The following GABRA3 variants were observed in gnomAD, a reference collection of about 807,000 sequenced individuals.
GABRA3 encodes gamma-aminobutyric acid receptor subunit alpha-3.
In GABRA3, 10 loss-of-function variants were observed where a neutral mutation model predicts 30.1. The ratio of observed to expected loss-of-function variants is 0.33; its 90% CI spans 0.20 to 0.56. The LOEUF (loss-of-function observed/expected upper bound fraction) is 0.56, where lower values mean the gene tolerates loss of function less well. GABRA3 is among the 20% of genes least tolerant of loss of function. GABRA3 has a pLI of 0.89. For missense variants in GABRA3, 233 were observed against 392.0 expected (o/e 0.59, Z 3.42); for synonymous variants, 151 against 146.8 (o/e 1.03, Z -0.21).
intron 1 of GABRA3, among the ~76,000 whole-genome samples, chrX:152,407,559 A>G (rs751864450): frequency 8.9e-6 from 1 of 112,186 alleles, no homozygotes; most frequent in South Asian, 3.7e-4. Flanking sequence ...GATCAATAAA[A>G]AGTAATGAGA....
At chrX:152,264,932 T>A (rs1272904079) in intron 4 of GABRA3, among the ~76,000 whole-genome samples, 6 of 111,495 alleles carry the variant, frequency 5.4e-5, no homozygotes, top group Admixed American at 9.5e-5. Context: ...AGGGTTCAAT[T>A]CAGCAATAGG....
intron 6 of GABRA3, among the ~76,000 whole-genome samples, chrX:152,219,719 G>A (rs1937795218): frequency 9.0e-6 from 1 of 111,002 alleles, no homozygotes; most frequent in African/African-American, 3.3e-5. Flanking sequence ...CTATGCTGCT[G>A]ATGGTAATTC....
At chrX:152,173,013 C>T (rs1199176627) in intron 9 of GABRA3, among the ~76,000 whole-genome samples, 1 of 110,229 alleles carries the variant, frequency 9.1e-6, no homozygotes, top group East Asian at 2.8e-4. Flanking sequence ...AATCAGAGAC[C>T]CTGCCCTCAG....
chrX:152,310,167 T>C (rs1182784738), intron 3 of GABRA3, among the ~76,000 whole-genome samples: 1 of 112,146 alleles, frequency 8.9e-6, no homozygotes, highest in Non-Finnish European at 1.9e-5. Flanking sequence ...CAGACTTAGA[T>C]AGCCACTCAA....
In GABRA3 at chrX:152,364,477, A is replaced by G. The variant is rs776683637; in HGVS notation, c.94T>C (p.Ser32Pro). ...AAGTCCCCGGGTTCTTGTCGTCTTG[A>G]TTCCCCTTGACCAGTGGTTCCAGGG... is the stretch of plus-strand genomic sequence containing the variant. The part of the protein sequence containing the change: ...ILPGTTGQGE[S>P]RRQEPGDFVK... The change falls in exon 2 of 10, where the codon TCA (serine) becomes CCA (proline). Residue 32 changes from serine to proline, a missense_variant. By Grantham distance (74) the Ser-to-Pro change is moderately conservative (BLOSUM62 -1). Transcript: ENST00000370314. 4.2e-5 allele frequency: 51 copies of G among 1,207,190 alleles called. No individual in the cohort carries two copies. The highest frequency in any genetic ancestry group is 4.9e-5 in the Non-Finnish European group (44 of 893,806).
At chrX:152,241,758 A>G (rs962684960) in intron 5 of GABRA3, among the ~76,000 whole-genome samples, 74 of 109,127 alleles carry the variant, frequency 6.8e-4, no homozygotes, top group Non-Finnish European at 1.1e-3. Flanking sequence ...GGTGGGAGTG[A>G]CCCGATTTTC....
intron 5 of GABRA3, among the ~76,000 whole-genome samples, chrX:152,232,501 G>A (rs996853602): frequency 1.8e-5 from 2 of 109,568 alleles, no homozygotes; most frequent in African/African-American, 6.6e-5. Flanking sequence ...ACTTATAAAC[G>A]ATAACATGCA....
At chrX:152,270,756 G>A (rs1055858860) in intron 4 of GABRA3, among the ~76,000 whole-genome samples, 15 of 109,060 alleles carry the variant, frequency 1.4e-4, no homozygotes, top group Non-Finnish European at 2.9e-4. Context: ...TTGGGAGGCT[G>A]AGGTAGGAGA....
At chrX:152,298,558 CA>C (rs1165066599) in intron 3 of GABRA3, among the ~76,000 whole-genome samples, 2 of 110,741 alleles carry the variant, frequency 1.8e-5, no homozygotes, top group Non-Finnish European at 3.8e-5. Context: ...ATGAACTCAT[CA>C]TTTTTTATGG....
rs1939557130 is a variant in GABRA3 at position 152,297,819 on chromosome X, G to A, written c.263-13084C>T. Reference sequence around the variant, plus strand: ...CAAGTGTGGAAGAAATAAAACATTCGAGAGCAGACTCTTCACCAGTTCATT... The same window carrying A: ...CAAGTGTGGAAGAAATAAAACATTCAAGAGCAGACTCTTCACCAGTTCATT... On this transcript the variant is annotated intron_variant, in intron 3 of 9. Transcript: ENST00000370314. Among the ~76,000 whole-genome samples the A allele has an allele frequency of 8.9e-5, 10 of 112,431 alleles. No individual in the cohort carries two copies. In the South Asian group the frequency reaches 3.7e-3, roughly 41 times the overall value.
At chrX:152,438,792 A>C (rs1470902711) in intron 1 of GABRA3, among the ~76,000 whole-genome samples, 1 of 111,971 alleles carries the variant, frequency 8.9e-6, no homozygotes, top group African/African-American at 3.2e-5. Context: ...GAGAGTGAAA[A>C]GATCAGTGGT....
intron 3 of GABRA3, among the ~76,000 whole-genome samples, chrX:152,291,598 A>T (rs1939419133): frequency 8.9e-6 from 1 of 111,861 alleles, no homozygotes. Flanking sequence ...CCAGTTTTCA[A>T]AGGGAATGCT....
chrX:152,292,710 A>T (rs1342768125), intron 3 of GABRA3, among the ~76,000 whole-genome samples: 1 of 111,692 alleles, frequency 9.0e-6, no homozygotes, highest in Non-Finnish European at 1.9e-5. Flanking sequence ...TTCCCTCTAC[A>T]CACTGCTTTA....
chrX:152,176,024 A>G (rs1937070726), intron 9 of GABRA3, among the ~76,000 whole-genome samples: 1 of 109,023 alleles, frequency 9.2e-6, no homozygotes, highest in African/African-American at 3.3e-5. Flanking sequence ...AGATTGCACC[A>G]CTCTACTCCA....
At chrX:152,270,815 A>C in intron 4 of GABRA3, among the ~76,000 whole-genome samples, 1 of 107,792 alleles carries the variant, frequency 9.3e-6, no homozygotes, top group Non-Finnish European at 1.9e-5. Context: ...AGAACGCATC[A>C]CTACACTTCA....
At chrX:152,214,422 T>A (rs772911398) in intron 6 of GABRA3, among the ~76,000 whole-genome samples, 2 of 111,539 alleles carry the variant, frequency 1.8e-5, no homozygotes, top group Non-Finnish European at 3.8e-5. Flanking sequence ...TCTTTTTATG[T>A]TCCATTGTTC....
intron 5 of GABRA3, among the ~76,000 whole-genome samples, chrX:152,230,411 T>C (rs1938044573): frequency 9.0e-6 from 1 of 111,351 alleles, no homozygotes; most frequent in Admixed American, 9.6e-5. Context: ...CTCTCCAAAT[T>C]GCTCTATATA....
At chrX:152,263,032 G>C (rs980234238) in intron 4 of GABRA3, among the ~76,000 whole-genome samples, 1 of 111,433 alleles carries the variant, frequency 9.0e-6, no homozygotes, top group African/African-American at 3.3e-5. Context: ...CGGCAGGAGA[G>C]AGAAGTGCCA....
At chrX:152,435,356 C>A (rs1176507511) in intron 1 of GABRA3, among the ~76,000 whole-genome samples, 6 of 111,592 alleles carry the variant, frequency 5.4e-5, no homozygotes, top group African/African-American at 2.0e-4. Context: ...AAATGCCCAG[C>A]AGTGATAGAC....
Sources: gnomAD v4.1 joint callset for allele counts (sites outside exome capture counted in the v4.1 genomes callset) on GRCh38, gnomAD v4.1.1 for gene constraint, MANE v1.5 for transcripts, NCBI Gene and HGNC (gene_info 2026-07-23, HGNC 2026-07-21) for gene names.